The following ERBIN variants were observed in gnomAD, a reference collection of about 807,000 sequenced individuals.
ERBIN encodes densin-180-like protein.
In ERBIN, 60 loss-of-function variants were observed where a neutral mutation model predicts 158.4. The ratio of observed to expected loss-of-function variants is 0.38; its 90% CI spans 0.31 to 0.47. The LOEUF (loss-of-function observed/expected upper bound fraction) is 0.47, where lower values mean the gene tolerates loss of function less well. Among genes scored for constraint, ERBIN ranks in the 20% least tolerant of loss-of-function variants. ERBIN has a pLI of 0.99. For missense variants in ERBIN, 1,610 were observed against 1,648.0 expected (o/e 0.98, Z 0.40); for synonymous variants, 594 against 557.2 (o/e 1.07, Z -0.93).
At chr5:65,968,297 C>A (rs1748884247) in intron 1 of ERBIN, among the ~76,000 whole-genome samples, 1 of 152,110 alleles carries the variant, frequency 6.6e-6, no homozygotes, top group African/African-American at 2.4e-5. Flanking sequence ...TGAGGATTTT[C>A]TATAGGTTCA....
At chr5:66,073,012 A>G (rs1282117165) in intron 22 of ERBIN, among the ~76,000 whole-genome samples, 3 of 152,102 alleles carry the variant, frequency 2.0e-5, no homozygotes, top group African/African-American at 7.2e-5. Flanking sequence ...AGTTTCTATT[A>G]TTTTACCCTC....
intron 14 of ERBIN, among the ~76,000 whole-genome samples, chr5:66,035,772 A>T (rs1194564801): frequency 1.3e-5 from 2 of 152,152 alleles, no homozygotes; most frequent in Admixed American, 6.5e-5. Flanking sequence ...CTTTTTTGCC[A>T]TTTTATTATA....
intron 4 of ERBIN, among the ~76,000 whole-genome samples, chr5:66,008,574 G>T (rs183227003): frequency 6.6e-6 from 1 of 152,110 alleles, no homozygotes; most frequent in East Asian, 1.9e-4. Flanking sequence ...TCTCCATATG[G>T]TATTTTAGAT....
chr5:65,962,682 A>G (rs1748055948), intron 1 of ERBIN, among the ~76,000 whole-genome samples: 1 of 152,160 alleles, frequency 6.6e-6, no homozygotes, highest in African/African-American at 2.4e-5. Context: ...CTTCAAACAT[A>G]AGGCTCATCC....
intron 4 of ERBIN, among the ~76,000 whole-genome samples, chr5:65,996,178 T>C (rs1162893437): frequency 6.6e-6 from 1 of 151,968 alleles, no homozygotes; most frequent in Non-Finnish European, 1.5e-5. Flanking sequence ...AGAAAAATCA[T>C]TGTTATAGCC....
At chr5:65,932,004 G>C (rs1451894435) in intron 1 of ERBIN, among the ~76,000 whole-genome samples, 1 of 151,766 alleles carries the variant, frequency 6.6e-6, no homozygotes, top group Non-Finnish European at 1.5e-5. Context: ...TTTTTGTAGA[G>C]ACAGGGTTTC....
chr5:65,960,834 A>G (rs1473367470), intron 1 of ERBIN, among the ~76,000 whole-genome samples: 2 of 152,208 alleles, frequency 1.3e-5, no homozygotes, highest in Non-Finnish European at 2.9e-5. Flanking sequence ...GTTTACAGTT[A>G]GGTTCTAGGC....
At chr5:65,997,777 T>C (rs1257756266) in intron 4 of ERBIN, among the ~76,000 whole-genome samples, 2 of 152,244 alleles carry the variant, frequency 1.3e-5, no homozygotes, top group African/African-American at 2.4e-5. Flanking sequence ...TTCTTTGTCC[T>C]AATGATATGA....
chr5:66,044,371 T>G, intron 17 of ERBIN, 61 bp downstream of exon 17: 2 of 1,452,262 alleles, frequency 1.4e-6, no homozygotes, highest in Non-Finnish European at 1.9e-6. Context: ...TAAATGACAG[T>G]TGATATAGTG....
intron 1 of ERBIN, among the ~76,000 whole-genome samples, chr5:65,973,175 C>T (rs1364762209): frequency 6.6e-6 from 1 of 150,866 alleles, no homozygotes; most frequent in Non-Finnish European, 1.5e-5. Context: ...AAACCAAACA[C>T]CACATGTCAT....
At chr5:65,958,982 C>T (rs1352673439) in intron 1 of ERBIN, among the ~76,000 whole-genome samples, 2 of 152,132 alleles carry the variant, frequency 1.3e-5, no homozygotes, top group African/African-American at 4.8e-5. Context: ...AATATTTCAT[C>T]GGCATGTAAC....
chr5:65,941,884 G>A (rs1028365015), intron 1 of ERBIN, among the ~76,000 whole-genome samples: 7 of 152,042 alleles, frequency 4.6e-5, no homozygotes, highest in African/African-American at 1.7e-4. Context: ...GGGACTACAG[G>A]TACCCGCCGC....
chr5:66,054,146 T>C lies in ERBIN; in HGVS notation c.2828T>C (p.Ile943Thr), dbSNP rs201617773. The change falls in exon 21 of 26, where the codon ATT (isoleucine) becomes ACT (threonine). Residue 943 changes from isoleucine (I) to threonine (T), a missense_variant. Ile to Thr is a moderately conservative substitution (Grantham distance 89). This residue lies in a region of ERBIN where 1,014 missense variants were observed against 936.1 expected (regional missense o/e 1.08). Transcript: ENST00000284037. Reference protein sequence around the residue: ...SSDLISGTKAIFKFDSNHNPE... With the variant: ...SSDLISGTKATFKFDSNHNPE... The stretch of plus-strand genomic sequence containing the variant: ...GATTTAATATCAGGAACAAAGGCAA[T>C]TTTCAAGTTTGATTCAAATCATAAT... The C allele has an allele frequency of 3.5e-5, 57 of 1,614,044 alleles. No homozygotes were observed. Among genetic ancestry groups the C allele is most frequent in the Non-Finnish European group, 4.6e-5 (54 of 1,180,036 alleles).
intron 6 of ERBIN, among the ~76,000 whole-genome samples, chr5:66,014,239 T>A (rs180918355): frequency 5.3e-5 from 8 of 152,306 alleles, no homozygotes; most frequent in African/African-American, 1.4e-4. Flanking sequence ...CTGCTCATTT[T>A]CTCTCTAGTT....
intron 9 of ERBIN, among the ~76,000 whole-genome samples, chr5:66,024,036 C>T (rs1040056094): frequency 2.6e-5 from 4 of 152,114 alleles, no homozygotes; most frequent in African/African-American, 4.8e-5. Context: ...CCACAAGAAT[C>T]CCCATATATG....
intron 1 of ERBIN, among the ~76,000 whole-genome samples, chr5:65,955,038 C>T (rs1357281760): frequency 6.6e-6 from 1 of 151,944 alleles, no homozygotes; most frequent in Non-Finnish European, 1.5e-5. Flanking sequence ...TGCACTCCAG[C>T]CTGGGTAGCA....
chr5:65,989,498 A>G (rs571029534), intron 2 of ERBIN, among the ~76,000 whole-genome samples: 2 of 152,146 alleles, frequency 1.3e-5, no homozygotes, highest in South Asian at 4.1e-4. Context: ...CTAGAGCCCA[A>G]TCTAATCTTT....
chr5:66,019,725 C>G (rs1013074432), intron 7 of ERBIN, among the ~76,000 whole-genome samples: 1 of 152,106 alleles, frequency 6.6e-6, no homozygotes, highest in Admixed American at 6.5e-5. Flanking sequence ...AGGATATCAT[C>G]TGTAATTGAA....
chr5:65,954,129 C>T (rs1746821994), intron 1 of ERBIN, among the ~76,000 whole-genome samples: 1 of 152,166 alleles, frequency 6.6e-6, no homozygotes, highest in Admixed American at 6.5e-5. Context: ...AGGGAATCAG[C>T]TTGTCTTTGA....
Sources: gnomAD v4.1 joint callset for allele counts (sites outside exome capture counted in the v4.1 genomes callset) on GRCh38, gnomAD v4.1.1 for gene constraint, gnomAD v4.1.1 regional missense constraint, MANE v1.5 for transcripts, NCBI Gene and HGNC (gene_info 2026-07-23, HGNC 2026-07-21) for gene names.